The following BNC2 variants were observed in gnomAD, a reference collection of about 807,000 sequenced individuals.
BNC2 encodes the protein basonuclin zinc finger protein 2.
BNC2 carries 20 observed loss-of-function variants against 76.3 expected under a neutral mutation model. The observed-to-expected ratio is 0.26, with a 90% CI of 0.18 to 0.38. BNC2 has a LOEUF of 0.38. BNC2 is among the 10% of genes least tolerant of loss of function. BNC2 has a pLI of 1.00. For missense variants in BNC2, 1,382 were observed against 1,399.8 expected, an observed-to-expected ratio of 0.99 and a Z score of 0.20; for synonymous variants, 582 against 514.8, an observed-to-expected ratio of 1.13 and a Z score of -1.77.
chr9:16,614,088 A>G (rs10756767), intron 3 of BNC2, among the ~76,000 whole-genome samples: 134,020 of 152,040 alleles, frequency 0.88, 59,961 homozygotes, highest in East Asian at 0.98. Flanking sequence ...ATATATTAAC[A>G]CTTGGGAATG....
intron 4 of BNC2, among the ~76,000 whole-genome samples, chr9:16,559,552 T>A (rs1818948285): frequency 6.6e-6 from 1 of 152,212 alleles, no homozygotes; most frequent in South Asian, 2.1e-4. Flanking sequence ...CACCACATGT[T>A]CGAATAAATA....
intron 3 of BNC2, among the ~76,000 whole-genome samples, chr9:16,632,459 C>T (rs1821191657): frequency 6.6e-6 from 1 of 152,082 alleles, no homozygotes; most frequent in African/African-American, 2.4e-5. Context: ...TGTAAAAGCA[C>T]CATATTCCCA....
chr9:16,821,436 A>G (rs1303353173), intron 1 of BNC2, among the ~76,000 whole-genome samples: 7 of 152,158 alleles, frequency 4.6e-5, no homozygotes, highest in African/African-American at 1.7e-4. Flanking sequence ...CAGAGAAAAA[A>G]AAATTATTTC....
At chr9:16,569,465 C>T (rs756546960) in intron 4 of BNC2, among the ~76,000 whole-genome samples, 26 of 152,088 alleles carry the variant, frequency 1.7e-4, no homozygotes, top group Admixed American at 1.4e-3. Flanking sequence ...GAGCTCCACT[C>T]GAGACTATAC....
In BNC2 at chr9:16,513,758, T is replaced by C. The variant is rs1297654137; in HGVS notation, c.669+38772A>G. 2.6e-5 allele frequency among the ~76,000 whole-genome samples: 4 copies of C among 152,276 alleles called. No homozygotes were observed. In the East Asian group the frequency reaches 7.7e-4, roughly 29 times the overall value. ...TCGGGAAGGACCGTAGGTTGAAGAC[T>C]GACACACAACTCAGAAGAGAGAAGG... is the stretch of plus-strand genomic sequence containing the variant. On this transcript the variant is annotated intron_variant, in intron 5 of 6. Transcript: ENST00000380672.
At chr9:16,560,105 A>C (rs183648389) in intron 4 of BNC2, among the ~76,000 whole-genome samples, 27 of 152,292 alleles carry the variant, frequency 1.8e-4, no homozygotes, top group African/African-American at 6.5e-4. Flanking sequence ...GTTGAAACAG[A>C]CTGCTGGGCC....
chr9:16,593,771 A>C (rs1013315113), intron 3 of BNC2, among the ~76,000 whole-genome samples: 4 of 152,088 alleles, frequency 2.6e-5, no homozygotes, highest in African/African-American at 4.8e-5. Context: ...TAGTCCTTCC[A>C]TGAACAGACC....
chr9:16,515,220 A>G (rs1049173017), intron 5 of BNC2, among the ~76,000 whole-genome samples: 1 of 152,230 alleles, frequency 6.6e-6, no homozygotes, highest in Non-Finnish European at 1.5e-5. Context: ...CCAAGAAGCC[A>G]ATAGTCTGTG....
At chr9:16,804,192 T>G (rs1817850793) in intron 1 of BNC2, among the ~76,000 whole-genome samples, 1 of 152,246 alleles carries the variant, frequency 6.6e-6, no homozygotes, top group Non-Finnish European at 1.5e-5. Flanking sequence ...ATTATTCTTG[T>G]CAATAAAGCA....
intron 5 of BNC2, among the ~76,000 whole-genome samples, chr9:16,511,420 CTTTTTTTT>C (rs758039548): frequency 1.0e-4 from 7 of 69,496 alleles, no homozygotes; most frequent in East Asian, 3.9e-4. Context: ...AATAAATTTA[CTTTTTTTT>C]TTTTTTTTTT....
chr9:16,577,039 A>G (rs568173558), intron 4 of BNC2, among the ~76,000 whole-genome samples: 2 of 152,240 alleles, frequency 1.3e-5, no homozygotes, highest in Non-Finnish European at 2.9e-5. Flanking sequence ...CCTGGCCCAA[A>G]ACCTTTTTGA....
At chr9:16,437,640 G>GAA in intron 5 of BNC2, 116 bp from the exon 6 acceptor site, 1 of 1,237,178 alleles carries the variant, frequency 8.1e-7, no homozygotes, top group Non-Finnish European at 1.1e-6. Flanking sequence ...AGCAAGAGCA[G>GAA]AAAACAACAT....
chr9:16,476,003 C>G (rs945395006), intron 5 of BNC2: 3 of 152,158 alleles, frequency 2.0e-5, no homozygotes, highest in Non-Finnish European at 4.4e-5. Context: ...TGAAGCAATT[C>G]CCGTGTCCAA....
chr9:16,644,282 T>G (rs928325690), intron 3 of BNC2, among the ~76,000 whole-genome samples: 1 of 152,154 alleles, frequency 6.6e-6, no homozygotes, highest in Admixed American at 6.6e-5. Flanking sequence ...CCTCAAGTTA[T>G]TGCAAGATGA....
intron 5 of BNC2, among the ~76,000 whole-genome samples, chr9:16,538,230 T>C (rs1281002365): frequency 6.6e-6 from 1 of 152,212 alleles, no homozygotes; most frequent in Admixed American, 6.5e-5. Context: ...CTACTGGCAC[T>C]AGACTATCAC....
chr9:16,562,762 A>G (rs1232428723), intron 4 of BNC2, among the ~76,000 whole-genome samples: 2 of 152,198 alleles, frequency 1.3e-5, no homozygotes, highest in African/African-American at 4.8e-5. Context: ...TTTTTTCCTA[A>G]AGTCCAACAC....
At chr9:16,817,606 T>C (rs1395202758) in intron 1 of BNC2, among the ~76,000 whole-genome samples, 1 of 152,212 alleles carries the variant, frequency 6.6e-6, no homozygotes, top group Non-Finnish European at 1.5e-5. Flanking sequence ...TGAAAGCATC[T>C]GGCACACTGA....
At chr9:16,801,639 G>C (rs556499809) in intron 1 of BNC2, among the ~76,000 whole-genome samples, 71 of 151,510 alleles carry the variant, frequency 4.7e-4, no homozygotes, top group Non-Finnish European at 8.2e-4. Context: ...AAGCAATACA[G>C]CTATAAGCAA....
intron 3 of BNC2, among the ~76,000 whole-genome samples, chr9:16,588,695 T>C (rs1309202924): frequency 6.6e-6 from 1 of 152,212 alleles, no homozygotes; most frequent in African/African-American, 2.4e-5. Context: ...TAAATAAAAG[T>C]ACATTTGAAA....
Sources: gnomAD v4.1 joint callset for allele counts (sites outside exome capture counted in the v4.1 genomes callset) on GRCh38, gnomAD v4.1.1 for gene constraint, MANE v1.5 for transcripts, NCBI Gene and HGNC (gene_info 2026-07-23, HGNC 2026-07-21) for gene names.